The following SAMD12 variants were observed in gnomAD, a reference collection of about 807,000 sequenced individuals.
The protein encoded by SAMD12 is sterile alpha motif domain-containing protein 12.
Under a neutral mutation model 15.0 loss-of-function variants are expected in SAMD12, and 9 were observed. The observed-to-expected ratio is 0.60, with a 90% CI of 0.36 to 1.05. SAMD12 has a LOEUF of 1.05. Among genes scored for constraint, SAMD12 ranks in the 50% least tolerant of loss-of-function variants. The probability of loss-of-function intolerance (pLI) is 0.01; values close to 1 mark genes in which losing one functional copy is unlikely to be tolerated. For synonymous variants in SAMD12, 86 were observed against 90.1 expected (o/e 0.96, Z 0.25); for missense variants, 230 against 234.2 (o/e 0.98, Z 0.12).
At chr8:118,142,639 T>A in the SAMD12 span, among the ~76,000 whole-genome samples, 2 of 152,192 alleles carry the variant, frequency 1.3e-5, no homozygotes, top group African/African-American at 4.8e-5. Flanking sequence ...TATAACAAAT[T>A]CAAGTACTCC....
chr8:118,451,558 TAA>T (rs1329795120), intron 2 of SAMD12, among the ~76,000 whole-genome samples: 6,374 of 152,314 alleles, frequency 0.042, 332 homozygotes, highest in African/African-American at 0.12. Flanking sequence ...TCAAATCAAA[TAA>T]TCAAAAGTCT....
chr8:118,283,304 T>C (rs1330963934), intron 4 of SAMD12, among the ~76,000 whole-genome samples: 1 of 152,198 alleles, frequency 6.6e-6, no homozygotes, highest in Non-Finnish European at 1.5e-5. Flanking sequence ...TATTCATCAA[T>C]CAATGAATAT....
At chr8:118,261,165 G>C (rs1248566159) in intron 4 of SAMD12, among the ~76,000 whole-genome samples, 2 of 152,092 alleles carry the variant, frequency 1.3e-5, no homozygotes, top group Non-Finnish European at 2.9e-5. Flanking sequence ...CTCAGAAGTA[G>C]TGAATTATTA....
At chr8:118,406,709 C>A (rs1821147392) in intron 3 of SAMD12, among the ~76,000 whole-genome samples, 1 of 152,112 alleles carries the variant, frequency 6.6e-6, no homozygotes, top group Non-Finnish European at 1.5e-5. Flanking sequence ...TAGGCCCTGG[C>A]AACTACCATT....
At chr8:118,260,824 C>T (rs958281293) in intron 4 of SAMD12, among the ~76,000 whole-genome samples, 2 of 152,086 alleles carry the variant, frequency 1.3e-5, no homozygotes, top group African/African-American at 4.8e-5. Flanking sequence ...TTCAGTTAGA[C>T]CAAGGAGTGG....
intron 2 of SAMD12, among the ~76,000 whole-genome samples, chr8:118,530,254 C>CA (rs1825648426): frequency 6.6e-6 from 1 of 152,218 alleles, no homozygotes; most frequent in African/African-American, 2.4e-5. Context: ...GGTACATGTA[C>CA]AGGTTTGTTC....
intron 2 of SAMD12, among the ~76,000 whole-genome samples, chr8:118,497,332 A>G (rs942919812): frequency 3.3e-5 from 5 of 152,354 alleles, no homozygotes; most frequent in South Asian, 2.1e-4. Context: ...ATGCCAATCA[A>G]CGGTGGACTG....
At chr8:118,431,681 C>A (rs1377094251) in intron 3 of SAMD12, among the ~76,000 whole-genome samples, 1 of 132,128 alleles carries the variant, frequency 7.6e-6, no homozygotes, top group Non-Finnish European at 1.6e-5. Context: ...AAAATTTTAC[C>A]TTTGTCGTGT....
intron 2 of SAMD12, among the ~76,000 whole-genome samples, chr8:118,559,715 A>G (rs997809283): frequency 1.3e-5 from 2 of 152,192 alleles, no homozygotes; most frequent in South Asian, 4.1e-4. Context: ...TTCTTTGTGT[A>G]GAAGTTAGGT....
At chr8:118,465,931 T>C (rs1586739427) in intron 2 of SAMD12, among the ~76,000 whole-genome samples, 2 of 152,178 alleles carry the variant, frequency 1.3e-5, no homozygotes, top group Non-Finnish European at 2.9e-5. Flanking sequence ...ATCCTAGGTA[T>C]AGCCCTAGTT....
intron 3 of SAMD12, among the ~76,000 whole-genome samples, chr8:118,430,485 C>G (rs768679274): frequency 6.6e-6 from 1 of 151,966 alleles, no homozygotes; most frequent in African/African-American, 2.4e-5. Flanking sequence ...GCTTCAGCCT[C>G]CCGAGTAGCT....
the SAMD12 span, among the ~76,000 whole-genome samples, chr8:118,135,396 G>A: frequency 6.6e-6 from 1 of 152,052 alleles, no homozygotes; most frequent in East Asian, 1.9e-4. Context: ...TGGCCAGGTT[G>A]GTCTCAAACT....
the SAMD12 span, among the ~76,000 whole-genome samples, chr8:118,165,202 G>C: frequency 6.6e-6 from 1 of 152,040 alleles, no homozygotes; most frequent in African/African-American, 2.4e-5. Flanking sequence ...TAAATTGAAG[G>C]TTCTCATGAA....
At position 118,379,444 on chromosome 8, in the gene SAMD12, G is replaced by A. The variant is rs1372470119; in HGVS notation, c.579C>T (p.Ser193=). The A allele has an allele frequency of 1.2e-6, 2 of 1,613,412 alleles. No homozygotes were observed. Among genetic ancestry groups the A allele is most frequent in the Non-Finnish European group, 1.7e-6 (2 of 1,179,714 alleles). The change falls in exon 4 of 4, where the codon TCC becomes TCT. Residue 193 remains serine (S), a synonymous_variant. Coordinates refer to ENST00000314727, the MANE Select transcript of SAMD12 (RefSeq NM_207506.3). ...ENLLLFLHRI[S]IIENSIQI is the part of the protein sequence containing the mutation. ...AAATCTGTATACTATTTTCTATGAT[G>A]GAAATTCTGTGAAGAAACAATAACA...
the SAMD12 span, among the ~76,000 whole-genome samples, chr8:118,152,223 G>A: frequency 6.6e-6 from 1 of 152,132 alleles, no homozygotes; most frequent in Non-Finnish European, 1.5e-5. Flanking sequence ...CTTAATACTT[G>A]TCTTCAAGAG....
At chr8:118,423,107 C>A (rs1271825252) in intron 3 of SAMD12, among the ~76,000 whole-genome samples, 1 of 152,088 alleles carries the variant, frequency 6.6e-6, no homozygotes, top group East Asian at 1.9e-4. Context: ...GGGCTTGTGC[C>A]CAGGGTATCG....
At chr8:118,481,094 C>T (rs1338118692) in intron 2 of SAMD12, among the ~76,000 whole-genome samples, 1 of 152,138 alleles carries the variant, frequency 6.6e-6, no homozygotes, top group African/African-American at 2.4e-5. Flanking sequence ...AGGTGTGTGC[C>T]ACCAAGCCTG....
chr8:118,498,838 T>C (rs567732134), intron 2 of SAMD12, among the ~76,000 whole-genome samples: 1 of 152,184 alleles, frequency 6.6e-6, no homozygotes, highest in African/African-American at 2.4e-5. Context: ...AAATGGTAGA[T>C]AGACCTAGAG....
chr8:118,277,158 T>A (rs1239731564), intron 4 of SAMD12, among the ~76,000 whole-genome samples: 8 of 152,130 alleles, frequency 5.3e-5, no homozygotes, highest in Admixed American at 1.3e-4. Flanking sequence ...AGCTTTCTGG[T>A]TTTTTGTGAA....
Sources: gnomAD v4.1 joint callset for allele counts (sites outside exome capture counted in the v4.1 genomes callset) on GRCh38, gnomAD v4.1.1 for gene constraint, MANE v1.5 for transcripts, NCBI Gene and HGNC (gene_info 2026-07-23, HGNC 2026-07-21) for gene names.